The following CDKN2B-AS1 variants were observed in gnomAD, a reference collection of about 807,000 sequenced individuals.
CDKN2B-AS1 encodes the protein CDKN2B and CDKN2A antisense cis and trans regulatory RNA 1, also known as CDKN2B antisense RNA 1 (non-protein coding).
At chr9:22,046,220 A>G (rs1031409028) in intron 1 of CDKN2B-AS1, 4 of 152,160 alleles carry the variant, frequency 2.6e-5, no homozygotes, top group Admixed American at 2.0e-4. Flanking sequence ...CTCCCATTAT[A>G]TCTTAGGCAC....
In CDKN2B-AS1 at chr9:21,999,935, T is replaced by G. The variant is rs1045165186; in HGVS notation, n.29+4774T>G. On this transcript the variant is annotated intron_variant and non_coding_transcript_variant, in intron 1 of 4. Transcript: ENST00000650946. The surrounding 1 kb of genome is among the most constrained non-coding windows in gnomAD (Gnocchi z 4.7). ...GGGGAGAGATGTTTGCAATTATATG[T>G]ACTTATATTTCTGGAAGGATAATTA... Among the ~76,000 whole-genome samples the G allele has an allele frequency of 6.6e-6, 1 of 152,206 alleles. No individual in the cohort carries two copies. Among genetic ancestry groups the G allele is most frequent in the African/African-American group, 2.4e-5 (1 of 41,456 alleles).
intron 4 of CDKN2B-AS1, among the ~76,000 whole-genome samples, chr9:22,090,824 A>G (rs532520524): frequency 1.3e-5 from 2 of 152,152 alleles, no homozygotes; most frequent in South Asian, 2.1e-4. Flanking sequence ...GAAGTTCTTT[A>G]GTTTAATTAG....
intron 1 of CDKN2B-AS1, among the ~76,000 whole-genome samples, chr9:22,042,280 C>G (rs975967131): frequency 6.6e-6 from 1 of 152,022 alleles, no homozygotes; most frequent in Non-Finnish European, 1.5e-5. Flanking sequence ...ATTTACCAAC[C>G]ATGTTTCAGG....
At chr9:22,004,993 C>T (rs1056941544) in intron 1 of CDKN2B-AS1, 3 of 233,114 alleles carry the variant, frequency 1.3e-5, no homozygotes, top group Admixed American at 1.1e-4. Flanking sequence ...AACTGAGAGC[C>T]ACTAGTTATG....
rs1419232790 is a variant in CDKN2B-AS1, at chr9:22,000,278, T to C, written n.29+5117T>C. Among the ~76,000 whole-genome samples, 1 of 152,198 alleles carries C rather than the reference T, an allele frequency of 6.6e-6. No homozygotes were observed. Among genetic ancestry groups the C allele is most frequent in the African/African-American group, 2.4e-5 (1 of 41,448 alleles). ...AAATGACTACTGAGGCAAACACCAT[T>C]CTTATAGACATAAGACATACTTGGG... On this transcript the variant is annotated intron_variant and non_coding_transcript_variant, in intron 1 of 4. Coordinates refer to ENST00000650946, the Ensembl canonical transcript of CDKN2B-AS1. The surrounding 1 kb of genome is among the most constrained non-coding windows in gnomAD (Gnocchi z 4.1).
intron 4 of CDKN2B-AS1, among the ~76,000 whole-genome samples, chr9:22,089,103 T>A (rs2131339180): frequency 6.6e-6 from 1 of 152,346 alleles, no homozygotes. Flanking sequence ...GACATTTTTC[T>A]AGCCAAATAA....
At chr9:22,081,703 T>C (rs1824701851) in intron 4 of CDKN2B-AS1, among the ~76,000 whole-genome samples, 1 of 152,230 alleles carries the variant, frequency 6.6e-6, no homozygotes, top group Non-Finnish European at 1.5e-5. Flanking sequence ...TGTCTATTAG[T>C]TGTGTAATCT....
chr9:22,055,414 G>T (rs1288959445), intron 3 of CDKN2B-AS1, among the ~76,000 whole-genome samples: 1 of 152,116 alleles, frequency 6.6e-6, no homozygotes, highest in Admixed American at 6.6e-5. Context: ...TTGGGCTTTT[G>T]CAACTTGCCA....
chr9:22,044,267 A>G (rs1823018795), intron 1 of CDKN2B-AS1, among the ~76,000 whole-genome samples: 1 of 152,052 alleles, frequency 6.6e-6, no homozygotes. Context: ...AGCAATTATT[A>G]TGGGACAAAT....
intron 4 of CDKN2B-AS1, among the ~76,000 whole-genome samples, chr9:22,069,336 A>C (rs914802205): frequency 2.2e-5 from 2 of 92,322 alleles, no homozygotes; most frequent in East Asian, 6.8e-4. Flanking sequence ...CACAAAGTAC[A>C]TAGAAATTTT....
intron 4 of CDKN2B-AS1, chr9:22,117,912 T>C (rs1317373795): frequency 6.6e-6 from 1 of 152,224 alleles, no homozygotes; most frequent in Non-Finnish European, 1.5e-5. Context: ...TATCTGCCTG[T>C]GTGTGATTTC....
intron 1 of CDKN2B-AS1, among the ~76,000 whole-genome samples, chr9:22,020,029 C>T (rs1465197935): frequency 1.3e-5 from 2 of 152,148 alleles, no homozygotes; most frequent in Non-Finnish European, 2.9e-5. Context: ...CACCCATCTT[C>T]CACCTTCTGA....
intron 3 of CDKN2B-AS1, among the ~76,000 whole-genome samples, chr9:22,049,707 C>G (rs993757471): frequency 1.3e-5 from 2 of 152,172 alleles, no homozygotes; most frequent in African/African-American, 4.8e-5. Context: ...AGACCTGAGT[C>G]TGAATCTCAA....
At chr9:22,109,397 C>T (rs1825743664) in intron 4 of CDKN2B-AS1, among the ~76,000 whole-genome samples, 1 of 152,138 alleles carries the variant, frequency 6.6e-6, no homozygotes, top group Non-Finnish European at 1.5e-5. Flanking sequence ...CGCTGTCTCC[C>T]CTGACTGGAT....
intron 4 of CDKN2B-AS1, among the ~76,000 whole-genome samples, chr9:22,095,891 A>C (rs918580354): frequency 5.9e-5 from 9 of 151,544 alleles, no homozygotes; most frequent in African/African-American, 2.2e-4. Flanking sequence ...CTGTTTTATC[A>C]GAGACTAGGA....
chr9:22,026,639 G>T (rs1018097152), intron 1 of CDKN2B-AS1, among the ~76,000 whole-genome samples: 1 of 152,208 alleles, frequency 6.6e-6, no homozygotes, highest in Non-Finnish European at 1.5e-5. Context: ...GATCTCGCTG[G>T]ATTCAGCCTC....
chr9:22,069,294 G>T (rs1283821375), intron 4 of CDKN2B-AS1, among the ~76,000 whole-genome samples: 3 of 152,018 alleles, frequency 2.0e-5, no homozygotes, highest in Non-Finnish European at 4.4e-5. Context: ...TAATGGAGGA[G>T]TAGCAGGAAT....
At chr9:22,110,552 A>G (rs1825779584) in intron 4 of CDKN2B-AS1, among the ~76,000 whole-genome samples, 1 of 152,184 alleles carries the variant, frequency 6.6e-6, no homozygotes, top group Non-Finnish European at 1.5e-5. Context: ...AGAGCTTAGT[A>G]TATGCTACAC....
chr9:22,035,573 G>A (rs1336088589), intron 1 of CDKN2B-AS1, among the ~76,000 whole-genome samples: 2 of 152,114 alleles, frequency 1.3e-5, no homozygotes, highest in Non-Finnish European at 2.9e-5. Context: ...TTGGTCTGTG[G>A]TTCCACGAGG....
Sources: allele counts gnomAD v4.1 joint callset (sites outside exome capture counted in the v4.1 genomes callset), GRCh38; gene constraint gnomAD v4.1.1; non-coding constraint Gnocchi (gnomAD v3.1); transcripts MANE v1.5; gene names NCBI Gene and HGNC (gene_info 2026-07-23, HGNC 2026-07-21).